The following TASOR2 variants were observed in gnomAD, a reference collection of about 807,000 sequenced individuals.
TASOR2 encodes transcription activation suppressor family member 2.
TASOR2 carries 84 observed loss-of-function variants against 199.5 expected under a neutral mutation model. That is an observed-to-expected ratio of 0.42 (90% CI 0.35 to 0.50). The LOEUF (loss-of-function observed/expected upper bound fraction) is 0.50. Ranked by LOEUF, TASOR2 falls within the 20% of genes least tolerant of loss-of-function variation. TASOR2 has a pLI of 0.02. For synonymous variants in TASOR2, 1,103 were observed against 1,046.6 expected (o/e 1.05, Z -1.04); for missense variants, 2,796 against 2,835.9 (o/e 0.99, Z 0.32).
At chr10:5,762,968 A>G in intron 20 of TASOR2, 61 bp from the exon 22 acceptor site, 1 of 1,523,218 alleles carries the variant, frequency 6.6e-7, no homozygotes, top group Admixed American at 1.8e-5. Flanking sequence ...CATCCCGCTT[A>G]TAAAATATTT....
chr10:5,729,193 A>G (rs1402597953), intron 10 of TASOR2, among the ~76,000 whole-genome samples: 1 of 152,060 alleles, frequency 6.6e-6, no homozygotes. Context: ...TACTAAAAAT[A>G]CAAAAATTAG....
At chr10:5,760,796 TAG>T (rs1446370979) in intron 18 of TASOR2, 12 of 152,556 alleles carry the variant, frequency 7.9e-5, no homozygotes, top group African/African-American at 2.4e-4. Context: ...TGATGAAAAC[TAG>T]AGAGACGGGA....
Position 5,748,345 on chromosome 10 carries a change from G to A in TASOR2, c.4924G>A (p.Asp1642Asn). Residue 1642 changes from aspartate (D) to asparagine (N), a missense_variant, in exon 15 of 21, where the codon GAT becomes AAT. This residue lies in a region of TASOR2 where 1,941 missense variants were observed against 1,924.9 expected (regional missense o/e 1.01). Transcript: ENST00000328090. The surrounding 1 kb of genome is among the most constrained non-coding windows in gnomAD (Gnocchi z 5.1). ...GAAGTCCTTGACAGCTGCCTCGGTT[G>A]ATGGAGCTTATTCTACACAGGGATG... 6.2e-7 allele frequency: 1 copy of A among 1,614,248 alleles called. No homozygotes were observed.
At chr10:5,732,077 G>A (rs543256155) in intron 11 of TASOR2, among the ~76,000 whole-genome samples, 8 of 152,344 alleles carry the variant, frequency 5.3e-5, no homozygotes, top group South Asian at 4.1e-4. Context: ...GAGCTACTTA[G>A]TGTATTGGCA....
rs1000834846 is a variant in TASOR2, at chr10:5,685,555, G to A, written c.-288+380G>A. Among the ~76,000 whole-genome samples, 2 of 152,182 alleles carry A rather than the reference G, an allele frequency of 1.3e-5. No individual in the cohort carries two copies. The highest frequency in any genetic ancestry group is 2.1e-4 in the South Asian group (1 of 4,828). ...CCGGCTGGGAAATCATTTCCTGCGG[G>A]TTCTGCGTGAAGCCTGCTGCTACTC... On this transcript the variant is annotated intron_variant, in intron 1 of 20. Coordinates refer to ENST00000328090, the Ensembl canonical transcript of TASOR2. The surrounding 1 kb of genome is among the most constrained non-coding windows in gnomAD (Gnocchi z 5.4).
In TASOR2 at chr10:5,747,679, G is replaced by C. The variant is rs1837407502; in HGVS notation, c.4258G>C (p.Val1420Leu). The C allele has an allele frequency of 1.9e-6, 3 of 1,614,184 alleles. No homozygotes were observed. In the East Asian group the frequency reaches 6.7e-5, roughly 36 times the overall value. Residue 1420 changes from valine to leucine, a missense_variant, in exon 15 of 21, where the codon GTG (valine) becomes CTG (leucine). Transcript: ENST00000328090. Reference sequence around the variant, plus strand: ...TAAAGAGACACGACCATATCAGGCTGTGACTCCATGCATTTTAAAACTTCA... The same window carrying C: ...TAAAGAGACACGACCATATCAGGCTCTGACTCCATGCATTTTAAAACTTCA...
Position 5,758,889 on chromosome 10 carries a change from C to T in TASOR2, c.6889C>T (p.Gln2297Ter), listed in dbSNP as rs1175708816. The stretch of plus-strand genomic sequence containing the variant: ...TTGCTACATTTATTGTTTTGTAGTT[C>T]AACTGAAGGAAATTATCAAAATCCT... Residue 2297 changes from glutamine (Q) to a stop codon, truncating the protein, a stop_gained and splice_region_variant, in exon 18 of 21, where the codon CAA becomes TAA. Coordinates refer to ENST00000328090, the Ensembl canonical transcript of TASOR2. LOFTEE classifies it high-confidence loss of function. The T allele has an allele frequency of 2.5e-6, 4 of 1,608,680 alleles. No individual in the cohort carries two copies. Among genetic ancestry groups the T allele is most frequent in the Non-Finnish European group, 3.4e-6 (4 of 1,175,286 alleles).
rs1838598059 is a variant in TASOR2, at chr10:5,754,662, G to A, written c.6607-1951G>A. 6.6e-6 allele frequency among the ~76,000 whole-genome samples: 1 copy of A among 152,088 alleles called. No individual in the cohort carries two copies. ...TATCTTGCTTGTTTCTATAGTGAAT[G>A]TATTGTTTCATAATATTTTATCACG... On this transcript the variant is annotated intron_variant, in intron 15 of 20. Coordinates refer to ENST00000328090, the Ensembl canonical transcript of TASOR2. The surrounding 1 kb of genome is among the most constrained non-coding windows in gnomAD (Gnocchi z 4.3).
chr10:5,756,652 C>G, exon 16 of TASOR2: 1 of 1,613,528 alleles, frequency 6.2e-7, no homozygotes, highest in South Asian at 1.1e-5. Flanking sequence ...AATTGAACCT[C>G]AGCACTTCTG....
Position 5,754,131 on chromosome 10 carries a change from C to A in TASOR2, c.6607-2482C>A, listed in dbSNP as rs1588909405. Among the ~76,000 whole-genome samples, 5 of 152,134 alleles carry A rather than the reference C, an allele frequency of 3.3e-5. No homozygotes were observed. In the East Asian group the frequency reaches 9.7e-4, roughly 29 times the overall value. On this transcript the variant is annotated intron_variant, in intron 15 of 20. Transcript: ENST00000328090. This position sits in a 1 kb window ranked among gnomAD's most constrained non-coding sequence, Gnocchi z 4.3. ...ACCAGCCTAGCCAATATAGTGAAAC[C>A]CCGTCTCTACTAAAAATAAAAAAAT...
At position 5,685,190 on chromosome 10, in the gene TASOR2, G is replaced by A. The variant is rs1383463466; in HGVS notation, c.-288+15G>A. The A allele has an allele frequency of 2.5e-6, 1 of 397,798 alleles. No homozygotes were observed. Among genetic ancestry groups the A allele is most frequent in the Admixed American group, 4.4e-5 (1 of 22,698 alleles). The allele number at this position is 397,798 out of a possible 1,614,324, so 24.6% of individuals were successfully genotyped here. A position where few individuals can be genotyped will look rare whatever the true frequency, so the allele number is the denominator to read the frequency against. ...GCCAAGGACGGGTAAGTCCCTCCTC[G>A]GCCTGGGCGCCCGGGAACCCTGCGA... On this transcript the variant is annotated intron_variant, in intron 1 of 20. Coordinates refer to ENST00000328090, the Ensembl canonical transcript of TASOR2. The surrounding 1 kb of genome is among the most constrained non-coding windows in gnomAD (Gnocchi z 5.4).
At position 5,742,184 on chromosome 10, in the gene TASOR2, C is replaced by CA; in HGVS notation, c.2419dup (p.Ile807AsnfsTer22). 6.2e-7 allele frequency: 1 copy of CA among 1,614,144 alleles called. No individual in the cohort carries two copies. The highest frequency in any genetic ancestry group is 8.5e-7 in the Non-Finnish European group (1 of 1,180,018). On this transcript the variant is annotated frameshift_variant, in exon 14 of 21. Transcript: ENST00000328090. LOFTEE classifies it high-confidence loss of function. This position sits in a 1 kb window ranked among gnomAD's most constrained non-coding sequence, Gnocchi z 4.2. Reference sequence around the variant, plus strand: ...TAGCTCTGTTTTACAGCAATCAGAACAAAATCATACGATCTTCCCGAAAGG... The same window carrying CA: ...TAGCTCTGTTTTACAGCAATCAGAACAAAAATCATACGATCTTCCCGAAAGG...
At chr10:5,724,860 T>G (rs367828028) in intron 8 of TASOR2, among the ~76,000 whole-genome samples, 1 of 151,932 alleles carries the variant, frequency 6.6e-6, no homozygotes, top group Non-Finnish European at 1.5e-5. Flanking sequence ...TGCATACTTA[T>G]GATAAAGTTT....
chr10:5,721,856 C>G (rs1833398319), intron 6 of TASOR2, among the ~76,000 whole-genome samples: 1 of 152,182 alleles, frequency 6.6e-6, no homozygotes, highest in South Asian at 2.1e-4. Context: ...CATCTTAACT[C>G]AGCAGTTAAG....
At chr10:5,749,565 C>T (rs1837726170) in exon 15 of TASOR2, 2 of 1,614,102 alleles carry the variant, frequency 1.2e-6, no homozygotes, top group East Asian at 2.2e-5. Flanking sequence ...AGTCAGATCC[C>T]AGACCACAGG....
rs1268021940 is a variant in TASOR2 at position 5,750,823 on chromosome 10, A to T, written c.6606+796A>T. Among the ~76,000 whole-genome samples the T allele has an allele frequency of 6.6e-6, 1 of 152,214 alleles. No homozygotes were observed. The highest frequency in any genetic ancestry group is 1.5e-5 in the Non-Finnish European group (1 of 68,040). ...CCACAGAACAACCCTGTGCATCAGG[A>T]AGTTCATATAATATTAATTAAAGTG... is the stretch of plus-strand genomic sequence containing the variant. On this transcript the variant is annotated intron_variant, in intron 15 of 20. Coordinates refer to ENST00000328090, the Ensembl canonical transcript of TASOR2. The surrounding 1 kb of genome is among the most constrained non-coding windows in gnomAD (Gnocchi z 5.4).
intron 18 of TASOR2, among the ~76,000 whole-genome samples, chr10:5,759,276 A>T (rs1036887345): frequency 2.0e-5 from 3 of 152,218 alleles, no homozygotes; most frequent in Non-Finnish European, 2.9e-5. Context: ...ACTTTAAAAA[A>T]TATATGGAAC....
chr10:5,692,597 G>A (rs1263813851), intron 1 of TASOR2, among the ~76,000 whole-genome samples: 1 of 152,032 alleles, frequency 6.6e-6, no homozygotes, highest in Non-Finnish European at 1.5e-5. Context: ...GTCCCTACCC[G>A]CTACAAGCTC....
At chr10:5,721,820 T>C (rs772157928) in intron 6 of TASOR2, among the ~76,000 whole-genome samples, 45 of 152,212 alleles carry the variant, frequency 3.0e-4, no homozygotes, top group Non-Finnish European at 2.9e-4. Context: ...AATGCAGACT[T>C]ACCAGTGGAG....
Sources: gnomAD v4.1 joint callset for allele counts (sites outside exome capture counted in the v4.1 genomes callset) on GRCh38, gnomAD v4.1.1 for gene constraint, gnomAD v4.1.1 regional missense constraint, Gnocchi (gnomAD v3.1) non-coding constraint, MANE v1.5 for transcripts, NCBI Gene and HGNC (gene_info 2026-07-23, HGNC 2026-07-21) for gene names.